The following SPOCK3 variants were observed in gnomAD, a reference collection of about 807,000 sequenced individuals.
SPOCK3 encodes SPARC (osteonectin), cwcv and kazal like domains proteoglycan 3.
Under a neutral mutation model 56.6 loss-of-function variants are expected in SPOCK3, and 30 were observed. The observed-to-expected ratio is 0.53, with a 90% CI of 0.40 to 0.72. SPOCK3 has a LOEUF of 0.72. Among genes scored for constraint, SPOCK3 ranks in the 30% least tolerant of loss-of-function variants. SPOCK3 has a pLI of 0.00. For synonymous variants in SPOCK3, 196 were observed against 183.3 expected (o/e 1.07, Z -0.56); for missense variants, 527 against 530.0 (o/e 0.99, Z 0.06).
chr4:167,203,226 T>C (rs1181790192), intron 2 of SPOCK3, among the ~76,000 whole-genome samples: 2 of 151,886 alleles, frequency 1.3e-5, no homozygotes, highest in Non-Finnish European at 2.9e-5. Context: ...TCATGAAAAA[T>C]TGTATGTATT....
At chr4:166,788,502 G>A (rs1017301345) in intron 7 of SPOCK3, among the ~76,000 whole-genome samples, 1 of 151,410 alleles carries the variant, frequency 6.6e-6, no homozygotes, top group African/African-American at 2.4e-5. Flanking sequence ...TATATACTTT[G>A]CTCTGTTAAT....
At chr4:166,841,256 A>C (rs544742510) in intron 6 of SPOCK3, among the ~76,000 whole-genome samples, 6 of 152,140 alleles carry the variant, frequency 3.9e-5, no homozygotes, top group Non-Finnish European at 7.3e-5. Flanking sequence ...GTCAGTTATC[A>C]ATTCCTAATT....
chr4:167,025,866 C>T (rs777207725), intron 3 of SPOCK3, among the ~76,000 whole-genome samples: 6 of 152,162 alleles, frequency 3.9e-5, no homozygotes, highest in Middle Eastern at 3.4e-3. Flanking sequence ...CTTACACAAC[C>T]TAAATGGTAC....
At chr4:166,736,544 A>C (rs1395358112) in intron 10 of SPOCK3, among the ~76,000 whole-genome samples, 1 of 152,122 alleles carries the variant, frequency 6.6e-6, no homozygotes, top group Non-Finnish European at 1.5e-5. Flanking sequence ...AAATGAGATT[A>C]CTTTTATTGT....
At chr4:166,746,663 A>G (rs534716336) in intron 8 of SPOCK3, among the ~76,000 whole-genome samples, 1 of 152,258 alleles carries the variant, frequency 6.6e-6, no homozygotes, top group Non-Finnish European at 1.5e-5. Flanking sequence ...ATAAAGACAC[A>G]AAATCCCTTC....
intron 3 of SPOCK3, among the ~76,000 whole-genome samples, chr4:167,013,730 A>C (rs914754429): frequency 2.0e-5 from 3 of 152,032 alleles, no homozygotes; most frequent in African/African-American, 7.2e-5. Context: ...ATCATAAAAG[A>C]AAGCCCCTAC....
intron 8 of SPOCK3, among the ~76,000 whole-genome samples, chr4:166,747,579 CAG>C (rs1270154211): frequency 5.9e-5 from 9 of 152,278 alleles, no homozygotes; most frequent in African/African-American, 2.2e-4. Flanking sequence ...TGGCACAAGA[CAG>C]GGATGCCTTC....
chr4:167,136,742 TA>T (rs1181959020), intron 2 of SPOCK3, among the ~76,000 whole-genome samples: 1 of 152,156 alleles, frequency 6.6e-6, no homozygotes, highest in Non-Finnish European at 1.5e-5. Context: ...TTACTCATAT[TA>T]ACAAAATTTT....
intron 3 of SPOCK3, among the ~76,000 whole-genome samples, chr4:167,023,070 A>T (rs1332836052): frequency 2.7e-5 from 4 of 149,930 alleles, no homozygotes; most frequent in African/African-American, 9.8e-5. Context: ...ATGCACAGGA[A>T]TTTTTTTTTT....
chr4:166,803,928 C>T (rs147073979), intron 6 of SPOCK3, among the ~76,000 whole-genome samples: 1,612 of 152,226 alleles, frequency 0.011, 21 homozygotes, highest in Non-Finnish European at 0.012. Context: ...AAGAGGCCTT[C>T]TCTAACTTTA....
chr4:166,896,989 T>A (rs991232752), intron 5 of SPOCK3, among the ~76,000 whole-genome samples: 2 of 151,948 alleles, frequency 1.3e-5, no homozygotes, highest in African/African-American at 4.8e-5. Flanking sequence ...AACTTTTTTT[T>A]CCCCCATAGC....
At chr4:166,787,780 T>C (rs1024538924) in intron 7 of SPOCK3, among the ~76,000 whole-genome samples, 7 of 152,216 alleles carry the variant, frequency 4.6e-5, no homozygotes, top group Non-Finnish European at 8.8e-5. Flanking sequence ...GCATTAAATA[T>C]AACATAGCTT....
At chr4:166,820,512 C>A (rs960900558) in intron 6 of SPOCK3, among the ~76,000 whole-genome samples, 3 of 151,686 alleles carry the variant, frequency 2.0e-5, no homozygotes, top group Admixed American at 2.0e-4. Context: ...ACAAAGATGC[C>A]AACTCTCATA....
At chr4:166,953,322 A>G (rs1168167931) in intron 4 of SPOCK3, among the ~76,000 whole-genome samples, 1 of 152,204 alleles carries the variant, frequency 6.6e-6, no homozygotes, top group East Asian at 1.9e-4. Context: ...CAGCCAGAAA[A>G]CCCATGAAAA....
At chr4:167,078,344 G>A (rs891069318) in intron 2 of SPOCK3, among the ~76,000 whole-genome samples, 2 of 148,194 alleles carry the variant, frequency 1.3e-5, no homozygotes, top group Non-Finnish European at 3.0e-5. Context: ...GTGTGTGTGT[G>A]TGTGTGTGTG....
intron 2 of SPOCK3, among the ~76,000 whole-genome samples, chr4:167,167,050 A>T (rs1730028566): frequency 6.6e-6 from 1 of 151,912 alleles, no homozygotes; most frequent in African/African-American, 2.4e-5. Context: ...ATTTTATTTT[A>T]TTTTTATTCT....
At chr4:166,778,367 A>C in intron 7 of SPOCK3, among the ~76,000 whole-genome samples, 1 of 152,184 alleles carries the variant, frequency 6.6e-6, no homozygotes, top group East Asian at 1.9e-4. Flanking sequence ...GAGGAACATA[A>C]ATCGAAGTAA....
chr4:167,009,450 C>T (rs1368120561), intron 3 of SPOCK3, among the ~76,000 whole-genome samples: 1 of 152,112 alleles, frequency 6.6e-6, no homozygotes, highest in African/African-American at 2.4e-5. Context: ...TCTTTTTCCA[C>T]ATTGGTGGTG....
At chr4:167,147,341 G>A in intron 2 of SPOCK3, among the ~76,000 whole-genome samples, 1 of 152,078 alleles carries the variant, frequency 6.6e-6, no homozygotes, top group East Asian at 1.9e-4. Context: ...AAAAAGTCCA[G>A]GACCAGTTGG....
Sources: allele counts gnomAD v4.1 joint callset (sites outside exome capture counted in the v4.1 genomes callset), GRCh38; gene constraint gnomAD v4.1.1; transcripts MANE v1.5; gene names NCBI Gene and HGNC (gene_info 2026-07-23, HGNC 2026-07-21).